PHACTR1: variants seen among roughly 807,000 people sequenced by gnomAD.
PHACTR1 encodes the protein phosphatase and actin regulator 1.
PHACTR1 carries 16 observed loss-of-function variants against 69.2 expected under a neutral mutation model. The observed-to-expected ratio is 0.23, with a 90% CI of 0.16 to 0.35. The LOEUF (loss-of-function observed/expected upper bound fraction) is 0.35, where lower values mean the gene tolerates loss of function less well. Ranked by LOEUF, PHACTR1 falls within the 10% of genes least tolerant of loss-of-function variation. The probability of loss-of-function intolerance (pLI) is 1.00; values close to 1 mark genes in which losing one functional copy is unlikely to be tolerated. For synonymous variants in PHACTR1, 312 were observed against 284.5 expected (o/e 1.10, Z -0.97); for missense variants, 510 against 734.7 (o/e 0.69, Z 3.54).
At chr6:12,933,631 A>G (rs1298234630) in intron 4 of PHACTR1, 1 of 1,612,512 alleles carries the variant, frequency 6.2e-7, no homozygotes, top group Admixed American at 1.7e-5. Context: ...CACAATGTCC[A>G]GGCGTTTCCC....
chr6:13,196,113 G>C (rs1764370531), intron 7 of PHACTR1, among the ~76,000 whole-genome samples: 1 of 152,196 alleles, frequency 6.6e-6, no homozygotes, highest in Non-Finnish European at 1.5e-5. Flanking sequence ...TCAGCAAGCA[G>C]AGAGCTCTGT....
At chr6:13,219,718 C>A (rs1298939081) in intron 8 of PHACTR1, among the ~76,000 whole-genome samples, 1 of 152,216 alleles carries the variant, frequency 6.6e-6, no homozygotes, top group African/African-American at 2.4e-5. Context: ...GGACTCTTCA[C>A]AGCAAAATTC....
intron 5 of PHACTR1, among the ~76,000 whole-genome samples, chr6:13,090,070 T>C (rs1295477640): frequency 6.6e-6 from 1 of 152,154 alleles, no homozygotes; most frequent in Non-Finnish European, 1.5e-5. Flanking sequence ...GTTGTTGTTT[T>C]TGAGACGGAG....
At chr6:12,761,708 T>C (rs1384437207) in intron 4 of PHACTR1, among the ~76,000 whole-genome samples, 3 of 152,258 alleles carry the variant, frequency 2.0e-5, no homozygotes, top group Non-Finnish European at 4.4e-5. Flanking sequence ...AGCATCCTTC[T>C]TTTTCAATCA....
chr6:12,967,561 T>C (rs1208177796), intron 4 of PHACTR1, among the ~76,000 whole-genome samples: 3 of 152,246 alleles, frequency 2.0e-5, no homozygotes, highest in Non-Finnish European at 4.4e-5. Flanking sequence ...CTGTGCTATA[T>C]ACTCAGTCAA....
intron 3 of PHACTR1, among the ~76,000 whole-genome samples, chr6:12,737,619 G>C (rs760171423): frequency 8.1e-5 from 12 of 148,352 alleles, no homozygotes; most frequent in Non-Finnish European, 1.3e-4. Context: ...TTAAGAGACA[G>C]GGTCTCTCTC....
intron 6 of PHACTR1, among the ~76,000 whole-genome samples, chr6:13,173,896 A>G (rs2113656957): frequency 6.6e-6 from 1 of 152,268 alleles, no homozygotes; most frequent in South Asian, 2.1e-4. Context: ...TTTTGTAGAG[A>G]CGGGTTTTCA....
chr6:13,068,061 A>T (rs1808930636), intron 5 of PHACTR1, among the ~76,000 whole-genome samples: 1 of 152,182 alleles, frequency 6.6e-6, no homozygotes, highest in Non-Finnish European at 1.5e-5. Context: ...TCACGCCTAT[A>T]ATCCCATCAC....
At chr6:12,980,775 G>C (rs1369376483) in intron 4 of PHACTR1, among the ~76,000 whole-genome samples, 1 of 152,228 alleles carries the variant, frequency 6.6e-6, no homozygotes, top group Non-Finnish European at 1.5e-5. Flanking sequence ...CAGCCCGGAA[G>C]AGATATATCC....
chr6:13,170,189 AG>A (rs1760388336), intron 6 of PHACTR1, among the ~76,000 whole-genome samples: 1 of 152,192 alleles, frequency 6.6e-6, no homozygotes, highest in Admixed American at 6.5e-5. Flanking sequence ...TTTGCACCAA[AG>A]GTTTTTCAGG....
At chr6:12,785,586 G>A (rs1771443777) in intron 4 of PHACTR1, among the ~76,000 whole-genome samples, 1 of 152,170 alleles carries the variant, frequency 6.6e-6, no homozygotes, top group Admixed American at 6.5e-5. Flanking sequence ...TGAAGCAAAA[G>A]TAGTTTTGCA....
intron 8 of PHACTR1, among the ~76,000 whole-genome samples, chr6:13,210,687 T>C (rs1249263349): frequency 5.9e-5 from 9 of 152,214 alleles, no homozygotes; most frequent in Non-Finnish European, 2.9e-5. Flanking sequence ...TAGGGTCATT[T>C]GTAAGGATCA....
intron 4 of PHACTR1, among the ~76,000 whole-genome samples, chr6:13,034,321 C>T (rs1481421930): frequency 6.6e-6 from 1 of 152,176 alleles, no homozygotes; most frequent in Admixed American, 6.5e-5. Flanking sequence ...CCGGCCAGGA[C>T]TTTTCTTTTT....
intron 4 of PHACTR1, among the ~76,000 whole-genome samples, chr6:12,890,369 G>A (rs1006827019): frequency 1.3e-5 from 2 of 152,106 alleles, no homozygotes; most frequent in Non-Finnish European, 2.9e-5. Flanking sequence ...CCCCAGTACT[G>A]CAGCCAGAGG....
chr6:13,172,919 G>A (rs2113649757), intron 6 of PHACTR1, among the ~76,000 whole-genome samples: 1 of 152,342 alleles, frequency 6.6e-6, no homozygotes, highest in Admixed American at 6.5e-5. Flanking sequence ...GCCTGCGTGA[G>A]GCAGAAAAGA....
rs549348203 is a variant in PHACTR1, at chr6:12,716,901, G to A, written c.-282+5G>A. 1 of 144,494 alleles carries A rather than the reference G, an allele frequency of 6.9e-6. No homozygotes were observed. Among genetic ancestry groups the A allele is most frequent in the Non-Finnish European group, 1.5e-5 (1 of 66,408 alleles). The allele number at this position is 144,494 out of a possible 1,614,324, so 9.0% of individuals were successfully genotyped here. On this transcript the variant is annotated splice_donor_5th_base_variant and intron_variant, in intron 1 of 14. Coordinates refer to ENST00000332995, the MANE Select transcript of PHACTR1 (RefSeq NM_030948.6). ...GAAAGGGGTCAACAAGTGCCGGTGA[G>A]TATCCGCTAACTTCCAGACTCTTCC...
At chr6:12,985,212 T>C (rs1795995393) in intron 4 of PHACTR1, among the ~76,000 whole-genome samples, 2 of 152,144 alleles carry the variant, frequency 1.3e-5, no homozygotes, top group Non-Finnish European at 1.5e-5. Flanking sequence ...ACACCTCATC[T>C]CCATAAATTA....
intron 4 of PHACTR1, among the ~76,000 whole-genome samples, chr6:12,968,883 A>G (rs1299122250): frequency 6.6e-6 from 1 of 151,880 alleles, no homozygotes; most frequent in East Asian, 1.9e-4. Flanking sequence ...TCTTCTTTTA[A>G]AAAAGAAAGA....
chr6:12,944,178 T>C (rs1790350414), intron 4 of PHACTR1, among the ~76,000 whole-genome samples: 1 of 152,168 alleles, frequency 6.6e-6, no homozygotes, highest in Non-Finnish European at 1.5e-5. Flanking sequence ...GGAGGCACAG[T>C]GTGTCTGAGA....
Sources: allele counts gnomAD v4.1 joint callset (sites outside exome capture counted in the v4.1 genomes callset), GRCh38; gene constraint gnomAD v4.1.1; transcripts MANE v1.5; gene names NCBI Gene and HGNC (gene_info 2026-07-23, HGNC 2026-07-21).